Variants in LPCAT1 observed in about 807,000 individuals in gnomAD.
LPCAT1 encodes lysophosphatidylcholine acyltransferase 1, also known as 1-acylglycerol-3-phosphate O-acyltransferase.
LPCAT1 carries 23 observed loss-of-function variants against 60.9 expected under a neutral mutation model. The observed-to-expected ratio is 0.38, with a 90% CI of 0.27 to 0.53. The LOEUF (loss-of-function observed/expected upper bound fraction) is 0.53, where lower values mean the gene tolerates loss of function less well. Among genes scored for constraint, LPCAT1 ranks in the 20% least tolerant of loss-of-function variants. The pLI, the probability that LPCAT1 is intolerant of heterozygous loss-of-function variation, is 0.82. For missense variants in LPCAT1, 622 were observed against 723.6 expected (o/e 0.86, Z 1.61); for synonymous variants, 340 against 301.1 (o/e 1.13, Z -1.34).
In LPCAT1 at chr5:1,462,379, G is replaced by A. The variant is rs1274569997; in HGVS notation, c.*1272C>T. 1 of 152,488 alleles carries A rather than the reference G, an allele frequency of 6.6e-6. No homozygotes were observed. The highest frequency in any genetic ancestry group is 1.5e-5 in the Non-Finnish European group (1 of 68,012). 9.4% of individuals were successfully genotyped at this position (152,488 alleles called of 1,614,324 possible). The stretch of plus-strand genomic sequence containing the variant: ...AGGTGACACCAAAATACCCCATCCA[G>A]GGCCTGGAAGCCCCTCTGCCTTTGA... On this transcript the variant is annotated 3_prime_UTR_variant, in exon 14 of 14. Transcript: ENST00000283415.
intron 3 of LPCAT1, among the ~76,000 whole-genome samples, chr5:1,493,156 C>T (rs1006171507): frequency 3.3e-5 from 5 of 152,254 alleles, no homozygotes; most frequent in Non-Finnish European, 5.9e-5. Context: ...CTCCTCCAGG[C>T]TTCCCCAGCC....
chr5:1,523,703 C>T lies in LPCAT1; in HGVS notation c.135+7G>A. Reference sequence around the variant, plus strand: ...GGCTCCCGGGGCCGCGCGCCCTGGGCACCCACCTGGGCCTTCTGCAGGGCG... The same window carrying T: ...GGCTCCCGGGGCCGCGCGCCCTGGGTACCCACCTGGGCCTTCTGCAGGGCG... On this transcript the variant is annotated splice_region_variant and intron_variant, in intron 1 of 13. Coordinates refer to ENST00000283415, the MANE Select transcript of LPCAT1 (RefSeq NM_024830.5). The surrounding 1 kb of genome is among the most constrained non-coding windows in gnomAD (Gnocchi z 7.1). 1 of 1,113,838 alleles carries T rather than the reference C, an allele frequency of 9.0e-7. No individual in the cohort carries two copies. The highest frequency in any genetic ancestry group is 3.1e-5 in the South Asian group (1 of 31,796). The allele number at this position is 1,113,838 out of a possible 1,614,324, so 69.0% of individuals were successfully genotyped here. A position where few individuals can be genotyped will look rare whatever the true frequency, so the allele number is the denominator to read the frequency against.
intron 5 of LPCAT1, among the ~76,000 whole-genome samples, 195 bp downstream of exon 5, chr5:1,488,196 C>T (rs922321486): frequency 6.6e-6 from 1 of 152,228 alleles, no homozygotes; most frequent in African/African-American, 2.4e-5. Flanking sequence ...TCTCCATCTT[C>T]CTGCAAACAT....
chr5:1,488,615 A>G (rs1735457879), intron 4 of LPCAT1, among the ~76,000 whole-genome samples, 164 bp from the exon 5 acceptor site: 1 of 152,252 alleles, frequency 6.6e-6, no homozygotes, highest in Non-Finnish European at 1.5e-5. Flanking sequence ...ATGGAAGCAC[A>G]CACTGATTTC....
intron 5 of LPCAT1, among the ~76,000 whole-genome samples, chr5:1,486,831 C>T (rs554600148): frequency 5.9e-5 from 9 of 152,192 alleles, no homozygotes; most frequent in Non-Finnish European, 8.8e-5. Flanking sequence ...CATGGCTGGA[C>T]CCACTGGAAA....
At position 1,523,677 on chromosome 5, in the gene LPCAT1, C is replaced by A; in HGVS notation, c.135+33G>T. ...GCCCCAGCATCCCTGGCGTCCGCGC[C>A]GGCTCCCGGGGCCGCGCGCCCTGGG... is the stretch of plus-strand genomic sequence containing the variant. On this transcript the variant is annotated intron_variant, in intron 1 of 13. Transcript: ENST00000283415. The surrounding 1 kb of genome is among the most constrained non-coding windows in gnomAD (Gnocchi z 7.1). 1.9e-6 allele frequency: 2 copies of A among 1,075,324 alleles called. No homozygotes were observed. Among genetic ancestry groups the A allele is most frequent in the Non-Finnish European group, 2.3e-6 (2 of 888,316 alleles). The allele number at this position is 1,075,324 out of a possible 1,614,324, so 66.6% of individuals were successfully genotyped here.
chr5:1,463,899 C>T lies in LPCAT1; in HGVS notation c.1421-64G>A, dbSNP rs776555219. The T allele has an allele frequency of 4.5e-6, 7 of 1,567,154 alleles. No homozygotes were observed. The East Asian group carries it at 1.6e-4, about 35-fold the overall frequency. On this transcript the variant is annotated intron_variant, in intron 13 of 13. Coordinates refer to ENST00000283415, the MANE Select transcript of LPCAT1 (RefSeq NM_024830.5). ...CGAGCAAATGTCTAGGATTTGGAGG[C>T]TCTTTTCCCACGGCCCTGGTGGGTG...
In LPCAT1 at chr5:1,481,569, T is replaced by TTC. The variant is rs1217827998; in HGVS notation, c.727-595_727-594dup. On this transcript the variant is annotated intron_variant, in intron 6 of 13. Transcript: ENST00000283415. The surrounding 1 kb of genome is among the most constrained non-coding windows in gnomAD (Gnocchi z 7.8). ...AGACACCGTCACCCTGGGGTGGACC[T>TTC]TCTGCTCCCCTGACGGCTAAGCTAG... Among the ~76,000 whole-genome samples the TTC allele has an allele frequency of 3.9e-5, 6 of 152,274 alleles. No individual in the cohort carries two copies. The highest frequency in any genetic ancestry group is 8.8e-5 in the Non-Finnish European group (6 of 68,052).
intron 11 of LPCAT1, among the ~76,000 whole-genome samples, chr5:1,472,290 T>C (rs553621735): frequency 2.6e-5 from 4 of 152,202 alleles, no homozygotes; most frequent in African/African-American, 9.6e-5. Flanking sequence ...CTTTGACCAG[T>C]AGTTGCCCCT....
chr5:1,479,532 G>T, intron 8 of LPCAT1, 89 bp downstream of exon 8: 1 of 959,580 alleles, frequency 1.0e-6, no homozygotes, highest in Non-Finnish European at 1.7e-6. Flanking sequence ...ATGCCACATT[G>T]TACAAGGCTT....
rs1391221211 is a variant in LPCAT1, at chr5:1,461,446, T to C, written c.*2205A>G. 2 of 152,292 alleles carry C rather than the reference T, an allele frequency of 1.3e-5. No individual in the cohort carries two copies. Among genetic ancestry groups the C allele is most frequent in the African/African-American group, 4.8e-5 (2 of 41,468 alleles). The allele number at this position is 152,292 out of a possible 1,614,324, so 9.4% of individuals were successfully genotyped here. On this transcript the variant is annotated 3_prime_UTR_variant, in exon 14 of 14. Coordinates refer to ENST00000283415, the MANE Select transcript of LPCAT1 (RefSeq NM_024830.5). ...ACATCATTCCCAAGTATAGACTTTA[T>C]GTTTTACTTATTCCATTGAAAATCC...
intron 3 of LPCAT1, among the ~76,000 whole-genome samples, chr5:1,491,221 G>T (rs1041985767): frequency 6.6e-6 from 1 of 152,166 alleles, no homozygotes; most frequent in African/African-American, 2.4e-5. Context: ...GACGATATCG[G>T]AAGGGAAGAA....
intron 9 of LPCAT1, among the ~76,000 whole-genome samples, chr5:1,475,617 C>T (rs1734874058): frequency 6.6e-6 from 1 of 152,244 alleles, no homozygotes; most frequent in Non-Finnish European, 1.5e-5. Context: ...ATCCTTGCAG[C>T]GGGCAGGGGA....
At chr5:1,486,190 C>T (rs963613981) in intron 5 of LPCAT1, among the ~76,000 whole-genome samples, 4 of 152,330 alleles carry the variant, frequency 2.6e-5, no homozygotes, top group Admixed American at 2.6e-4. Flanking sequence ...TCAATCCCTG[C>T]AGAGCCCTGA....
intron 3 of LPCAT1, among the ~76,000 whole-genome samples, chr5:1,492,829 C>T (rs766512002): frequency 1.2e-4 from 18 of 152,350 alleles, no homozygotes; most frequent in Admixed American, 5.2e-4. Context: ...GCCCGGCCAA[C>T]GCTCAGATTC....
At chr5:1,493,935 T>C (rs1735682304) in intron 3 of LPCAT1, among the ~76,000 whole-genome samples, 1 of 152,184 alleles carries the variant, frequency 6.6e-6, no homozygotes. Context: ...AGGAGACACT[T>C]GGAGGGAGCC....
At chr5:1,498,871 G>A (rs36988) in intron 2 of LPCAT1, among the ~76,000 whole-genome samples, 79,947 of 152,000 alleles carry the variant, frequency 0.53, 21,576 homozygotes, top group Middle Eastern at 0.64. Context: ...GCCTATGCAC[G>A]TGTACCTACT....
chr5:1,483,155 G>C lies in LPCAT1; in HGVS notation c.726+273C>G, dbSNP rs1244769612. On this transcript the variant is annotated intron_variant, in intron 6 of 13. Transcript: ENST00000283415. This position sits in a 1 kb window ranked among gnomAD's most constrained non-coding sequence, Gnocchi z 9.2. The stretch of plus-strand genomic sequence containing the variant: ...CTTTGTCAGGAGCTATGGAAGCAGG[G>C]CTCTGGAACACTGGGGACCACTGTG... 1.7e-4 allele frequency among the ~76,000 whole-genome samples: 26 copies of C among 152,152 alleles called. 1 individual carries two copies. Among genetic ancestry groups the C allele is most frequent in the Admixed American group, 1.7e-3 (26 of 15,276 alleles).
chr5:1,494,984 C>A, intron 2 of LPCAT1, 70 bp from the exon 3 acceptor site: 5 of 1,418,326 alleles, frequency 3.5e-6, no homozygotes, highest in Non-Finnish European at 9.6e-7. Context: ...GGCACAGGGG[C>A]GGTCCCACGG....
Sources: allele counts gnomAD v4.1 joint callset (sites outside exome capture counted in the v4.1 genomes callset), GRCh38; gene constraint gnomAD v4.1.1; non-coding constraint Gnocchi (gnomAD v3.1); transcripts MANE v1.5; gene names NCBI Gene and HGNC (gene_info 2026-07-23, HGNC 2026-07-21).